KLHL1: variants seen among roughly 807,000 people sequenced by gnomAD.
The protein encoded by KLHL1 is kelch like family member 1.
In KLHL1, 47 loss-of-function variants were observed where a neutral mutation model predicts 77.7. The observed-to-expected ratio is 0.60, with a 90% CI of 0.48 to 0.77. KLHL1 has a LOEUF of 0.77. Among genes scored for constraint, KLHL1 ranks in the 30% least tolerant of loss-of-function variants. The pLI is 0.00. For missense variants in KLHL1, 925 were observed against 910.8 expected (o/e 1.02, Z -0.20); for synonymous variants, 360 against 325.2 (o/e 1.11, Z -1.15).
At chr13:69,813,324 TG>T (rs1485434582) in intron 6 of KLHL1, among the ~76,000 whole-genome samples, 10 of 142,574 alleles carry the variant, frequency 7.0e-5, no homozygotes, top group African/African-American at 2.7e-4. Flanking sequence ...GGGCCTGTTG[TG>T]GGGTGGGGGG....
intron 1 of KLHL1, among the ~76,000 whole-genome samples, chr13:70,103,985 C>CTGTAAGAA (rs1246461654): frequency 1.3e-5 from 2 of 152,064 alleles, no homozygotes; most frequent in Non-Finnish European, 2.9e-5. Flanking sequence ...TGACTGCACT[C>CTGTAAGAA]TGTAAGAATT....
At chr13:69,818,756 T>C (rs1003559774) in intron 6 of KLHL1, among the ~76,000 whole-genome samples, 1 of 152,166 alleles carries the variant, frequency 6.6e-6, no homozygotes, top group African/African-American at 2.4e-5. Flanking sequence ...CTGATGACCT[T>C]GAACAAGTAA....
rs1351417961 is a variant in KLHL1, at chr13:69,777,996, T to C, written c.1639+18742A>G. On this transcript the variant is annotated intron_variant, in intron 7 of 10. Coordinates refer to ENST00000377844, the MANE Select transcript of KLHL1 (RefSeq NM_020866.3). The stretch of plus-strand genomic sequence containing the variant: ...CTTCTACTAGCCTAAATTTCTTTAG[T>C]GTAATATTTATAATTCATATTATTA... 2.0e-5 allele frequency among the ~76,000 whole-genome samples: 3 copies of C among 151,994 alleles called. No individual in the cohort carries two copies. The South Asian group carries it at 6.2e-4, about 31-fold the overall frequency.
intron 5 of KLHL1, among the ~76,000 whole-genome samples, chr13:69,846,810 C>A (rs1879479517): frequency 6.6e-6 from 1 of 151,216 alleles, no homozygotes; most frequent in Non-Finnish European, 1.5e-5. Context: ...CTTCAAATTG[C>A]AGCTTTCCAA....
At chr13:69,798,635 TG>T (rs1488347214) in intron 6 of KLHL1, among the ~76,000 whole-genome samples, 1 of 152,050 alleles carries the variant, frequency 6.6e-6, no homozygotes, top group African/African-American at 2.4e-5. Context: ...TTTATTATAT[TG>T]GATATTGAAT....
intron 6 of KLHL1, among the ~76,000 whole-genome samples, chr13:69,830,270 T>C (rs1878710629): frequency 6.7e-6 from 1 of 150,026 alleles, no homozygotes; most frequent in Non-Finnish European, 1.5e-5. Context: ...TCCATGCAAA[T>C]GGACACCAAA....
intron 10 of KLHL1, among the ~76,000 whole-genome samples, chr13:69,704,949 T>C (rs1054952825): frequency 3.5e-5 from 4 of 113,708 alleles, no homozygotes; most frequent in African/African-American, 1.3e-4. Flanking sequence ...ATGAAATGCA[T>C]ACACAAAAAG....
chr13:70,045,063 T>A (rs73516785), intron 1 of KLHL1, among the ~76,000 whole-genome samples: 4,604 of 152,254 alleles, frequency 0.03, 153 homozygotes, highest in African/African-American at 0.08. Context: ...TTTGAAGATG[T>A]TTATATACAC....
At chr13:69,997,713 C>T (rs1196128942) in intron 1 of KLHL1, among the ~76,000 whole-genome samples, 2 of 146,656 alleles carry the variant, frequency 1.4e-5, no homozygotes, top group East Asian at 3.9e-4. Context: ...ATTGATATTA[C>T]ATAAACATAT....
intron 4 of KLHL1, among the ~76,000 whole-genome samples, chr13:69,901,310 A>T (rs1302749324): frequency 6.6e-6 from 1 of 152,234 alleles, no homozygotes; most frequent in Non-Finnish European, 1.5e-5. Context: ...TATTTATTTT[A>T]CTGTGCAGGC....
intron 4 of KLHL1, among the ~76,000 whole-genome samples, chr13:69,907,888 T>TCATA (rs1484767110): frequency 6.6e-6 from 1 of 152,074 alleles, no homozygotes; most frequent in African/African-American, 2.4e-5. Flanking sequence ...ATAAGATTTT[T>TCATA]CATACATGGA....
intron 9 of KLHL1, among the ~76,000 whole-genome samples, chr13:69,716,793 T>C (rs1381265609): frequency 6.6e-6 from 1 of 152,134 alleles, no homozygotes; most frequent in Non-Finnish European, 1.5e-5. Context: ...AAGCTCTGTA[T>C]AGCATAGTGC....
intron 1 of KLHL1, among the ~76,000 whole-genome samples, chr13:70,057,404 G>A (rs1047381420): frequency 6.7e-6 from 1 of 149,618 alleles, no homozygotes; most frequent in African/African-American, 2.5e-5. Flanking sequence ...ACTATAAGGA[G>A]GGAATACTTC....
At chr13:70,019,443 T>C (rs993511755) in intron 1 of KLHL1, among the ~76,000 whole-genome samples, 1 of 150,690 alleles carries the variant, frequency 6.6e-6, no homozygotes, top group Non-Finnish European at 1.5e-5. Context: ...CTTATCTCAG[T>C]GAAGAGGCAG....
At chr13:70,057,929 C>G (rs1244050467) in intron 1 of KLHL1, among the ~76,000 whole-genome samples, 1 of 151,724 alleles carries the variant, frequency 6.6e-6, no homozygotes, top group African/African-American at 2.4e-5. Flanking sequence ...TCACTATGAC[C>G]AAGTAATATT....
At chr13:69,742,130 A>C (rs9564596) in intron 7 of KLHL1, among the ~76,000 whole-genome samples, 43,669 of 151,990 alleles carry the variant, frequency 0.29, 7,147 homozygotes, top group African/African-American at 0.45. Flanking sequence ...TTGCCTCATA[A>C]AATTTTGCTT....
chr13:69,826,578 CAAAGAAAG>C (rs144260651), intron 6 of KLHL1, among the ~76,000 whole-genome samples: 2 of 151,086 alleles, frequency 1.3e-5, no homozygotes, highest in African/African-American at 4.9e-5. Flanking sequence ...AAAACTGTCT[CAAAGAAAG>C]AAAGAAAGAA....
chr13:69,839,213 TTA>T, intron 5 of KLHL1, 51 bp from the exon 6 acceptor site: 1 of 1,260,168 alleles, frequency 7.9e-7, no homozygotes, highest in Non-Finnish European at 1.1e-6. Flanking sequence ...GAGATGAACA[TTA>T]TGTCATTCCT....
intron 8 of KLHL1, among the ~76,000 whole-genome samples, chr13:69,729,406 GTTCA>G (rs1026705264): frequency 2.6e-5 from 4 of 152,124 alleles, no homozygotes; most frequent in African/African-American, 4.8e-5. Context: ...TAAGATAAGT[GTTCA>G]TTGTTTTTTA....
Sources: allele counts gnomAD v4.1 joint callset (sites outside exome capture counted in the v4.1 genomes callset), GRCh38; gene constraint gnomAD v4.1.1; transcripts MANE v1.5; gene names NCBI Gene and HGNC (gene_info 2026-07-23, HGNC 2026-07-21).